ASIC2: variants seen among roughly 807,000 people sequenced by gnomAD.
The protein encoded by ASIC2 is acid sensing ion channel subunit 2, also known as acid-sensing ion channel 2.
Under a neutral mutation model 57.3 loss-of-function variants are expected in ASIC2, and 25 were observed. That is an observed-to-expected ratio of 0.44 (90% confidence interval 0.32 to 0.61). The LOEUF (loss-of-function observed/expected upper bound fraction) is 0.61, where lower values mean the gene tolerates loss of function less well. Ranked by LOEUF, ASIC2 falls within the 20% of genes least tolerant of loss-of-function variation. The pLI is 0.06. For synonymous variants in ASIC2, 319 were observed against 307.5 expected (o/e 1.04, Z -0.39); for missense variants, 641 against 738.1 (o/e 0.87, Z 1.52).
intron 1 of ASIC2, among the ~76,000 whole-genome samples, chr17:33,355,857 C>T (rs1383663257): frequency 6.6e-6 from 1 of 152,144 alleles, no homozygotes; most frequent in Non-Finnish European, 1.5e-5. Flanking sequence ...TTCTTGTTTG[C>T]TCAGAGCTTA....
intron 1 of ASIC2, among the ~76,000 whole-genome samples, chr17:33,267,663 C>T (rs917166366): frequency 6.6e-6 from 1 of 152,136 alleles, no homozygotes; most frequent in African/African-American, 2.4e-5. Context: ...ATGGCAAGGG[C>T]AACTGGAGTT....
intron 1 of ASIC2, among the ~76,000 whole-genome samples, chr17:33,496,954 G>T (rs539278489): frequency 6.6e-6 from 1 of 152,192 alleles, no homozygotes; most frequent in South Asian, 2.1e-4. Context: ...CTGGTGCTCT[G>T]TGAGTCTCCT....
At chr17:33,019,139 T>C (rs1437502156) in intron 7 of ASIC2, among the ~76,000 whole-genome samples, 1 of 152,134 alleles carries the variant, frequency 6.6e-6, no homozygotes, top group Non-Finnish European at 1.5e-5. Flanking sequence ...AGGTGTGTGA[T>C]GTACGTGTGC....
At chr17:33,042,429 T>C (rs890524051) in intron 3 of ASIC2, among the ~76,000 whole-genome samples, 2 of 152,242 alleles carry the variant, frequency 1.3e-5, no homozygotes, top group Non-Finnish European at 1.5e-5. Flanking sequence ...ACAATAACCC[T>C]GTGAGACTGG....
intron 1 of ASIC2, among the ~76,000 whole-genome samples, chr17:33,906,180 G>T (rs1427231762): frequency 1.3e-5 from 2 of 152,024 alleles, no homozygotes; most frequent in East Asian, 3.9e-4. Context: ...CTTATTACGT[G>T]TCTGGTTGGC....
At chr17:33,460,401 T>C (rs1912596539) in intron 1 of ASIC2, among the ~76,000 whole-genome samples, 1 of 152,034 alleles carries the variant, frequency 6.6e-6, no homozygotes, top group Admixed American at 6.5e-5. Context: ...TTTATTTGTA[T>C]CCTGAGGATG....
chr17:33,789,130 T>C (rs1366259813), intron 1 of ASIC2, among the ~76,000 whole-genome samples: 3 of 152,174 alleles, frequency 2.0e-5, no homozygotes, highest in Non-Finnish European at 4.4e-5. Flanking sequence ...TTATAACCTT[T>C]CTGAGGCCTT....
At chr17:34,088,290 G>A (rs1347708113) in intron 1 of ASIC2, among the ~76,000 whole-genome samples, 1 of 152,174 alleles carries the variant, frequency 6.6e-6, no homozygotes, top group Non-Finnish European at 1.5e-5. Context: ...GTCTGTTGGA[G>A]TTTGCTAGAG....
chr17:33,107,390 G>A (rs1650286803), intron 2 of ASIC2, among the ~76,000 whole-genome samples: 1 of 152,188 alleles, frequency 6.6e-6, no homozygotes, highest in Non-Finnish European at 1.5e-5. Flanking sequence ...ATGAATAAAT[G>A]TGTTTAATAT....
chr17:33,766,714 G>A lies in ASIC2; in HGVS notation c.555+389264C>T, dbSNP rs188997729. On this transcript the variant is annotated intron_variant, in intron 1 of 9. Transcript: ENST00000359872. ...TAGCCAAATCAGAAGAAAAATAACAGTTAAAATGAAGCTGTATGCTGAGAG... is the reference window on the plus strand; with the variant it reads ...TAGCCAAATCAGAAGAAAAATAACAATTAAAATGAAGCTGTATGCTGAGAG... 4.0e-4 allele frequency among the ~76,000 whole-genome samples: 61 copies of A among 152,256 alleles called. 1 individual carries two copies. Among genetic ancestry groups the A allele is most frequent in the Non-Finnish European group, 6.9e-4 (47 of 68,008 alleles).
chr17:33,204,526 C>A (rs1341290254), intron 1 of ASIC2, among the ~76,000 whole-genome samples: 5 of 152,254 alleles, frequency 3.3e-5, no homozygotes, highest in Middle Eastern at 3.4e-3. Context: ...CTTGAGGGCT[C>A]GCCTGTCCCA....
intron 1 of ASIC2, among the ~76,000 whole-genome samples, chr17:33,483,277 C>T (rs1430953582): frequency 6.6e-6 from 1 of 152,224 alleles, no homozygotes; most frequent in Non-Finnish European, 1.5e-5. Flanking sequence ...ATCAGTTTTC[C>T]ATTGCTCCTT....
At chr17:34,153,236 T>A (rs1397613862) in intron 1 of ASIC2, among the ~76,000 whole-genome samples, 1 of 152,140 alleles carries the variant, frequency 6.6e-6, no homozygotes, top group Admixed American at 6.5e-5. Context: ...AGAAAAGCCA[T>A]CCCCTTGTGA....
At chr17:33,947,963 G>A (rs1261238507) in intron 1 of ASIC2, among the ~76,000 whole-genome samples, 1 of 152,168 alleles carries the variant, frequency 6.6e-6, no homozygotes, top group Non-Finnish European at 1.5e-5. Flanking sequence ...TTGATCTTAA[G>A]TGCTAACTAA....
chr17:33,180,136 A>G (rs1480018731), intron 1 of ASIC2, among the ~76,000 whole-genome samples: 1 of 152,200 alleles, frequency 6.6e-6, no homozygotes, highest in East Asian at 1.9e-4. Context: ...AACATTTACT[A>G]TAGGATCTTG....
intron 1 of ASIC2, among the ~76,000 whole-genome samples, chr17:33,970,574 C>T (rs766526966): frequency 3.8e-4 from 58 of 152,312 alleles, no homozygotes; most frequent in African/African-American, 1.2e-3. Context: ...TTGGCTCCAG[C>T]GGCCTCCACT....
chr17:33,199,448 C>G (rs1004388918), intron 1 of ASIC2, among the ~76,000 whole-genome samples: 3 of 152,180 alleles, frequency 2.0e-5, no homozygotes, highest in African/African-American at 7.2e-5. Context: ...CAAATCCTAG[C>G]TCCCTACATT....
At chr17:33,724,358 G>A (rs570977094) in intron 1 of ASIC2, among the ~76,000 whole-genome samples, 3 of 152,276 alleles carry the variant, frequency 2.0e-5, no homozygotes, top group East Asian at 3.9e-4. Context: ...AAGATGAGAA[G>A]CCCATAAGCA....
chr17:33,978,268 G>A (rs953097740), intron 1 of ASIC2, among the ~76,000 whole-genome samples: 5 of 152,172 alleles, frequency 3.3e-5, no homozygotes, highest in Admixed American at 2.6e-4. Context: ...ATGTTTCCGT[G>A]AAGGCAGAGA....
Sources: allele counts gnomAD v4.1 joint callset (sites outside exome capture counted in the v4.1 genomes callset), GRCh38; gene constraint gnomAD v4.1.1; transcripts MANE v1.5; gene names NCBI Gene and HGNC (gene_info 2026-07-23, HGNC 2026-07-21).